The following ZNF519 variants were observed in gnomAD, a reference collection of about 807,000 sequenced individuals.
ZNF519 encodes the protein similar to Zinc finger protein 85 (Zinc finger protein HPF4) (HTF1).
Under a neutral mutation model 7.4 loss-of-function variants are expected in ZNF519, and 7 were observed. That is an observed-to-expected ratio of 0.94 (90% confidence interval 0.54 to 1.77). The LOEUF (loss-of-function observed/expected upper bound fraction) is 1.77, where lower values mean the gene tolerates loss of function less well. Ranked by LOEUF, ZNF519 falls within the 40% of genes most tolerant of loss-of-function variation. The pLI is 0.00. For synonymous variants in ZNF519, 179 were observed against 203.3 expected (o/e 0.88, Z 1.02); for missense variants, 586 against 623.1 (o/e 0.94, Z 0.63).
At chr18:14,079,700 A>G (rs2046062890) in intron 3 of ZNF519, among the ~76,000 whole-genome samples, 1 of 152,248 alleles carries the variant, frequency 6.6e-6, no homozygotes, top group Non-Finnish European at 1.5e-5. Flanking sequence ...AGAACTGGAC[A>G]TATACATATT....
intron 2 of ZNF519, among the ~76,000 whole-genome samples, chr18:14,111,620 C>T (rs559477333): frequency 1.3e-5 from 2 of 151,524 alleles, no homozygotes; most frequent in South Asian, 4.2e-4. Context: ...ACTTATACTG[C>T]AGGAATTCAA....
intron 1 of ZNF519, 122 bp from the exon 2 acceptor site, chr18:14,124,598 G>A (rs1598523184): frequency 4.9e-6 from 6 of 1,214,276 alleles, no homozygotes; most frequent in East Asian, 4.9e-5. Context: ...TTTTAACACA[G>A]TAATGTTCTC....
At chr18:14,128,028 G>A (rs1274470383) in intron 1 of ZNF519, among the ~76,000 whole-genome samples, 7 of 151,922 alleles carry the variant, frequency 4.6e-5, no homozygotes, top group Non-Finnish European at 7.4e-5. Flanking sequence ...GGTGGCTTAC[G>A]CCTGTAATCC....
intron 2 of ZNF519, among the ~76,000 whole-genome samples, chr18:14,087,692 C>A (rs934335968): frequency 1.3e-5 from 2 of 152,172 alleles, no homozygotes; most frequent in African/African-American, 4.8e-5. Flanking sequence ...ATGTGTGCGT[C>A]CTTGTGTTGG....
chr18:14,090,600 C>G (rs1159543030), intron 2 of ZNF519: 2 of 152,460 alleles, frequency 1.3e-5, no homozygotes, highest in East Asian at 3.9e-4. Flanking sequence ...TGCCCCTCCC[C>G]TCCACTCAGG....
downstream of ZNF519, among the ~76,000 whole-genome samples, chr18:14,098,685 C>G (rs2046147515): frequency 6.6e-6 from 1 of 152,142 alleles, no homozygotes; most frequent in South Asian, 2.1e-4. Flanking sequence ...AAGGGAAAAG[C>G]CACCCAGTCT....
At chr18:14,092,063 CAG>C (rs768780033) in intron 2 of ZNF519, among the ~76,000 whole-genome samples, 5 of 152,112 alleles carry the variant, frequency 3.3e-5, no homozygotes, top group Admixed American at 2.0e-4. Context: ...ACTGGTAAAG[CAG>C]AGAGACCAGC....
chr18:14,121,965 A>C (rs569107353), intron 2 of ZNF519: 18 of 152,350 alleles, frequency 1.2e-4, no homozygotes, highest in African/African-American at 3.8e-4. Flanking sequence ...AGTGGTGTCC[A>C]ACCAGCTCTT....
intron 2 of ZNF519, chr18:14,090,765 TC>T (rs978005998): frequency 6.6e-6 from 1 of 152,226 alleles, no homozygotes; most frequent in African/African-American, 2.4e-5. Flanking sequence ...AGACTGGAGA[TC>T]CCGGAACACA....
chr18:14,131,877 A>C (rs2046332295), intron 1 of ZNF519, among the ~76,000 whole-genome samples: 1 of 152,210 alleles, frequency 6.6e-6, no homozygotes, highest in Non-Finnish European at 1.5e-5. Context: ...CCCATTAATT[A>C]ATCACTGTTT....
chr18:14,081,396 G>GA (rs2046070246), intron 3 of ZNF519, among the ~76,000 whole-genome samples: 1 of 151,972 alleles, frequency 6.6e-6, no homozygotes, highest in South Asian at 2.1e-4. Context: ...GCTTTTTAAA[G>GA]AAAAAAATGA....
rs568595133 is a variant in ZNF519 at position 14,101,585 on chromosome 18, C to A, written c.*3332G>T. On this transcript the variant is annotated 3_prime_UTR_variant, in exon 3 of 3. Transcript: ENST00000590202. ...AATAGGGAAAGCCAAGGCACAAAGT[C>A]CTGTGAGTCATCAAGGTGGAGTCCT... 34 of 398,256 alleles carry A rather than the reference C, an allele frequency of 8.5e-5. No homozygotes were observed. In the Admixed American group the frequency reaches 1.3e-3, roughly 15 times the overall value. 24.7% of individuals were successfully genotyped at this position (398,256 alleles called of 1,614,324 possible).
rs2046152172 is a variant in ZNF519 at position 14,099,937 on chromosome 18, GTT to G, written c.*4978_*4979del. On this transcript the variant is annotated 3_prime_UTR_variant, in exon 3 of 3. Coordinates refer to ENST00000590202, the MANE Select transcript of ZNF519 (RefSeq NM_145287.4). ...TAGATGGAAGAAAATCCTTGCAAATGTTTTTCTTTGTGGAAAAAAAACTTATT... is the reference window on the plus strand; with the variant it reads ...TAGATGGAAGAAAATCCTTGCAAATGTTTCTTTGTGGAAAAAAAACTTATT... 1 of 152,112 alleles carries G rather than the reference GTT, an allele frequency of 6.6e-6. No homozygotes were observed. The highest frequency in any genetic ancestry group is 6.5e-5 in the Admixed American group (1 of 15,274). The allele number at this position is 152,112 out of a possible 1,614,324, so 9.4% of individuals were successfully genotyped here.
chr18:14,081,074 A>G (rs768456752), intron 3 of ZNF519, among the ~76,000 whole-genome samples: 3 of 152,210 alleles, frequency 2.0e-5, no homozygotes, highest in Non-Finnish European at 2.9e-5. Flanking sequence ...GTTTAACTCT[A>G]TAATAGTAGA....
chr18:14,081,791 G>A (rs1391000582), intron 3 of ZNF519, among the ~76,000 whole-genome samples: 1 of 152,064 alleles, frequency 6.6e-6, no homozygotes. Flanking sequence ...AAAATAAAGA[G>A]AAAATCGAAT....
At chr18:14,079,457 A>G (rs12605438) in intron 3 of ZNF519, among the ~76,000 whole-genome samples, 1 of 152,216 alleles carries the variant, frequency 6.6e-6, no homozygotes, top group South Asian at 2.1e-4. Flanking sequence ...TGCCAACACA[A>G]TATTGTAGGA....
At chr18:14,094,687 T>C (rs564249665) in intron 2 of ZNF519, among the ~76,000 whole-genome samples, 7 of 152,330 alleles carry the variant, frequency 4.6e-5, no homozygotes, top group Admixed American at 2.0e-4. Context: ...TCTAGTATTT[T>C]GTGAGAATTT....
chr18:14,075,032 T>G (rs1413396768), downstream of ZNF519: 1 of 152,140 alleles, frequency 6.6e-6, no homozygotes, highest in Admixed American at 6.5e-5. Context: ...AAGTCAGGTC[T>G]TACATGGATG....
chr18:14,116,449 G>A (rs1021233080), intron 2 of ZNF519, among the ~76,000 whole-genome samples: 5 of 152,142 alleles, frequency 3.3e-5, no homozygotes, highest in African/African-American at 1.2e-4. Context: ...TAAAAACAGT[G>A]CGGTACTTGC....
Sources: gnomAD v4.1 joint callset for allele counts (sites outside exome capture counted in the v4.1 genomes callset) on GRCh38, gnomAD v4.1.1 for gene constraint, MANE v1.5 for transcripts, NCBI Gene and HGNC (gene_info 2026-07-23, HGNC 2026-07-21) for gene names.